The following WASHC4 variants were observed in gnomAD, a reference collection of about 807,000 sequenced individuals.
WASHC4 encodes WASH complex subunit 7.
In WASHC4, 86 loss-of-function variants were observed where a neutral mutation model predicts 166.6. That is an observed-to-expected ratio of 0.52 (90% CI 0.43 to 0.62). The LOEUF is 0.62. Among genes scored for constraint, WASHC4 ranks in the 20% least tolerant of loss-of-function variants. The pLI is 0.00. For missense variants in WASHC4, 1,262 were observed against 1,382.4 expected (o/e 0.91, Z 1.38); for synonymous variants, 446 against 451.6 (o/e 0.99, Z 0.16).
intron 7 of WASHC4, among the ~76,000 whole-genome samples, chr12:105,118,848 G>A (rs1383373773): frequency 1.3e-5 from 2 of 152,152 alleles, no homozygotes; most frequent in African/African-American, 4.8e-5. Context: ...ACGAATGGTT[G>A]CCTGACTCTA....
intron 19 of WASHC4, 113 bp from the exon 20 acceptor site, chr12:105,143,014 C>G: frequency 1.4e-6 from 1 of 719,196 alleles, no homozygotes. Flanking sequence ...TGTGGAAAAT[C>G]ATTTTTCCTT....
Position 105,126,268 on chromosome 12 carries a change from A to T in WASHC4, c.944A>T (p.Tyr315Phe). 1 of 1,612,418 alleles carries T rather than the reference A, an allele frequency of 6.2e-7. No homozygotes were observed. The highest frequency in any genetic ancestry group is 8.5e-7 in the Non-Finnish European group (1 of 1,178,850). Residue 315 changes from tyrosine to phenylalanine, a missense_variant, in exon 12 of 33, where the codon TAT becomes TTT. Tyr to Phe is a conservative substitution (Grantham distance 22). Coordinates refer to ENST00000332180, the MANE Select transcript of WASHC4 (RefSeq NM_015275.3). ...EPSEIDQRDKYVGICGLFVLH... is the reference protein window; with the variant it reads ...EPSEIDQRDKFVGICGLFVLH... ...TCTGAAATTGACCAGAGAGACAAGTATGTTGGAATTTGTGGACTCTTTGTA... is the reference window on the plus strand; with the variant it reads ...TCTGAAATTGACCAGAGAGACAAGTTTGTTGGAATTTGTGGACTCTTTGTA...
chr12:105,146,548 T>A (rs1883313071), intron 23 of WASHC4, 22 bp downstream of exon 23: 1 of 1,486,056 alleles, frequency 6.7e-7, no homozygotes. Flanking sequence ...TTATAAATTT[T>A]TTTTTTTTAA....
At chr12:105,153,334 A>T (rs866174236) in intron 26 of WASHC4, among the ~76,000 whole-genome samples, 1 of 152,216 alleles carries the variant, frequency 6.6e-6, no homozygotes, top group African/African-American at 2.4e-5. Flanking sequence ...CTTTAGGTTT[A>T]CTAGTGGGTA....
At chr12:105,149,917 A>C (rs1883600582) in intron 25 of WASHC4, among the ~76,000 whole-genome samples, 168 bp downstream of exon 25, 1 of 152,154 alleles carries the variant, frequency 6.6e-6, no homozygotes, top group African/African-American at 2.4e-5. Context: ...AAATTAAATC[A>C]TAAATGTAGC....
At chr12:105,146,353 A>G (rs1883293044) in intron 22 of WASHC4, 99 bp from the exon 23 acceptor site, 2 of 768,374 alleles carry the variant, frequency 2.6e-6, no homozygotes, top group Non-Finnish European at 4.5e-6. Flanking sequence ...CTTAAAAATT[A>G]TTAGGAAACA....
At chr12:105,157,383 C>A in intron 28 of WASHC4, 61 bp downstream of exon 28, 2 of 924,898 alleles carry the variant, frequency 2.2e-6, no homozygotes, top group Non-Finnish European at 3.5e-6. Context: ...AAGAGAAGAC[C>A]AGAGGGTAAT....
intron 25 of WASHC4, 61 bp downstream of exon 25, chr12:105,149,810 A>T (rs1329947028): frequency 4.1e-6 from 6 of 1,473,532 alleles, no homozygotes; most frequent in Non-Finnish European, 3.7e-6. Context: ...GCAAATGTGT[A>T]TGCTAAAATT....
At chr12:105,137,736 A>G in intron 14 of WASHC4, 150 bp from the exon 15 acceptor site, 1 of 614,020 alleles carries the variant, frequency 1.6e-6, no homozygotes, top group Non-Finnish European at 2.8e-6. Flanking sequence ...CTCTGTGAGG[A>G]AGAGTATTTC....
In WASHC4 at chr12:105,141,049, A is replaced by G. The variant is rs1040734647; in HGVS notation, c.1707+4A>G. 7 of 1,613,992 alleles carry G rather than the reference A, an allele frequency of 4.3e-6. No homozygotes were observed. The highest frequency in any genetic ancestry group is 5.9e-6 in the Non-Finnish European group (7 of 1,179,988). On this transcript the variant is annotated splice_donor_region_variant and intron_variant, in intron 17 of 32. Transcript: ENST00000332180. ...ACTAAGTGTTGGCACACAAATGGTAAGTGTATTGCTATTACTTATGGAACA... is the reference window on the plus strand; with the variant it reads ...ACTAAGTGTTGGCACACAAATGGTAGGTGTATTGCTATTACTTATGGAACA...
rs746573003 is a variant in WASHC4, at chr12:105,127,246, C to G, written c.1156C>G (p.His386Asp). The G allele has an allele frequency of 7.4e-6, 12 of 1,612,134 alleles. No homozygotes were observed. The highest frequency in any genetic ancestry group is 6.8e-6 in the Non-Finnish European group (8 of 1,178,332). ...AAAAAGTCTTCAAGCCATTAAAATACACAGGGATACTTTTCTACAACAGAA... is the reference window on the plus strand; with the variant it reads ...AAAAAGTCTTCAAGCCATTAAAATAGACAGGGATACTTTTCTACAACAGAA... Reference protein sequence around the residue: ...DRKSLQAIKIHRDTFLQQKAQ... With the variant: ...DRKSLQAIKIDRDTFLQQKAQ... The change falls in exon 13 of 33, where the codon CAC becomes GAC. Residue 386 changes from histidine to aspartate, a missense_variant. Physicochemically the swap from His to Asp is moderately conservative, Grantham distance 81 (BLOSUM62 -1). Coordinates refer to ENST00000332180, the MANE Select transcript of WASHC4 (RefSeq NM_015275.3).
chr12:105,111,035 G>A (rs559291934), intron 1 of WASHC4, 90 bp from the exon 2 acceptor site: 514 of 922,838 alleles, frequency 5.6e-4, no homozygotes, highest in Non-Finnish European at 8.5e-4. Flanking sequence ...AATTAACAGT[G>A]CTTTGCGTGA....
rs527725161 is a variant in WASHC4, at chr12:105,151,793, T to C, written c.2650-550T>C. Among the ~76,000 whole-genome samples, 6 of 152,350 alleles carry C rather than the reference T, an allele frequency of 3.9e-5. No individual in the cohort carries two copies. In the East Asian group the frequency reaches 9.6e-4, roughly 24 times the overall value. ...CTGTGCCCAGCCCAGCTCATTTTTA[T>C]TGGAGCAGAAATTCCTAGTATTTAG... On this transcript the variant is annotated intron_variant, in intron 25 of 32. Transcript: ENST00000332180.
chr12:105,108,313 A>C (rs564675204), intron 1 of WASHC4, among the ~76,000 whole-genome samples: 26 of 152,170 alleles, frequency 1.7e-4, no homozygotes, highest in Non-Finnish European at 3.2e-4. Flanking sequence ...TTTTCCTCCC[A>C]AATCAACTTT....
intron 10 of WASHC4, 33 bp from the exon 11 acceptor site, chr12:105,125,971 G>A (rs1359818098): frequency 4.4e-6 from 7 of 1,597,036 alleles, no homozygotes; most frequent in Non-Finnish European, 6.0e-6. Flanking sequence ...ATTATTGAGA[G>A]TCTGAATTTC....
chr12:105,109,670 T>TTTTC (rs1235334819), intron 1 of WASHC4, among the ~76,000 whole-genome samples: 6 of 138,660 alleles, frequency 4.3e-5, no homozygotes, highest in African/African-American at 1.6e-4. Flanking sequence ...TTTTTTTTTT[T>TTTTC]CGAGACAAGG....
chr12:105,144,460 G>C lies in WASHC4; in HGVS notation c.2179+5G>C, dbSNP rs761528932. ...ATCGTTTCATTGACATTCGGGGTGA[G>C]TGTTTTGCTTTCCTTCTTAGAGTCA... On this transcript the variant is annotated splice_donor_5th_base_variant and intron_variant, in intron 21 of 32. Transcript: ENST00000332180. 2 of 1,600,842 alleles carry C rather than the reference G, an allele frequency of 1.2e-6. No individual in the cohort carries two copies. Among genetic ancestry groups the C allele is most frequent in the Non-Finnish European group, 8.5e-7 (1 of 1,170,550 alleles).
In WASHC4 at chr12:105,111,180, C is replaced by T. The variant is rs147988679; in HGVS notation, c.117C>T (p.Thr39=). ...ATGGGAAATTTCTTGAGGAGTATACCTCTCAACTGAGAAGAATTGAGGACG... is the reference window on the plus strand; with the variant it reads ...ATGGGAAATTTCTTGAGGAGTATACTTCTCAACTGAGAAGAATTGAGGACG... The part of the protein sequence containing the change: ...KNYGKFLEEY[T]SQLRRIEDAL... The change falls in exon 2 of 33, where the codon ACC becomes ACT. Residue 39 remains threonine, a synonymous_variant. Transcript: ENST00000332180. 6.2e-7 allele frequency: 1 copy of T among 1,604,566 alleles called. No individual in the cohort carries two copies.
intron 14 of WASHC4, among the ~76,000 whole-genome samples, chr12:105,135,176 G>A (rs1359272558): frequency 1.3e-5 from 2 of 151,726 alleles, no homozygotes; most frequent in African/African-American, 2.4e-5. Context: ...CATTATTATC[G>A]CTATTGTTGT....
Sources: allele counts gnomAD v4.1 joint callset (sites outside exome capture counted in the v4.1 genomes callset), GRCh38; gene constraint gnomAD v4.1.1; transcripts MANE v1.5; gene names NCBI Gene and HGNC (gene_info 2026-07-23, HGNC 2026-07-21).